The following SIN3B variants were observed in gnomAD, a reference collection of about 807,000 sequenced individuals.
SIN3B encodes paired amphipathic helix protein Sin3b.
A neutral mutation model predicts 120.2 loss-of-function variants in SIN3B; 19 were observed. The ratio of observed to expected loss-of-function variants is 0.16; its 90% CI spans 0.11 to 0.23. The LOEUF is 0.23. SIN3B is among the 10% of genes least tolerant of loss of function. SIN3B has a pLI of 1.00. For synonymous variants in SIN3B, 654 were observed against 653.2 expected, an observed-to-expected ratio of 1.00 and a Z score of -0.02; for missense variants, 1,073 against 1,573.0, an observed-to-expected ratio of 0.68 and a Z score of 5.38.
chr19:16,840,765 T>A (rs1204856555), intron 3 of SIN3B, among the ~76,000 whole-genome samples: 1 of 152,216 alleles, frequency 6.6e-6, no homozygotes, highest in African/African-American at 2.4e-5. Context: ...CACACTGTTC[T>A]GGGCACTGGG....
chr19:16,830,194 A>G (rs1300191324), intron 2 of SIN3B, among the ~76,000 whole-genome samples: 2 of 152,154 alleles, frequency 1.3e-5, no homozygotes, highest in Non-Finnish European at 1.5e-5. Flanking sequence ...GTTGATTTTT[A>G]TATTAGTTTT....
chr19:16,877,337 T>G (rs1034126573), intron 16 of SIN3B: 1 of 567,056 alleles, frequency 1.8e-6, no homozygotes, highest in Non-Finnish European at 3.2e-6. Context: ...CCTGGTTGTG[T>G]GAGTCCCGCT....
At chr19:16,856,256 G>A (rs985688840) in intron 8 of SIN3B, among the ~76,000 whole-genome samples, 1 of 152,108 alleles carries the variant, frequency 6.6e-6, no homozygotes, top group Non-Finnish European at 1.5e-5. Flanking sequence ...GGTAGGAGTA[G>A]GCGGGCCTGT....
rs2051652335 is a variant in SIN3B at position 16,878,892 on chromosome 19, C to T, written c.*165C>T. On this transcript the variant is annotated 3_prime_UTR_variant, in exon 19 of 19. Coordinates refer to ENST00000248054, the MANE Select transcript of SIN3B (RefSeq NM_001297595.2). The stretch of plus-strand genomic sequence containing the variant: ...GGACGCCGCCCCCGTGGCTCCCGGT[C>T]TCCTGTGGGCCTGCTGTGTGCCAAA... 4.5e-6 allele frequency: 3 copies of T among 661,746 alleles called. No homozygotes were observed. The Admixed American group carries it at 8.8e-5, about 19-fold the overall frequency. 41.0% of individuals were successfully genotyped at this position (661,746 alleles called of 1,614,324 possible).
intron 6 of SIN3B, 109 bp from the exon 7 acceptor site, chr19:16,852,960 G>C: frequency 1.2e-6 from 1 of 831,860 alleles, no homozygotes; most frequent in South Asian, 1.8e-5. Context: ...TCTCATGGCA[G>C]TTCCCAAAGG....
chr19:16,850,970 A>G (rs1599598066), intron 5 of SIN3B, among the ~76,000 whole-genome samples: 1 of 152,314 alleles, frequency 6.6e-6, no homozygotes, highest in Admixed American at 6.5e-5. Flanking sequence ...ACCTGGCCCC[A>G]AGGCCCCCAC....
chr19:16,862,754 T>A lies in SIN3B; in HGVS notation c.1266+195T>A. On this transcript the variant is annotated intron_variant, in intron 9 of 18. Coordinates refer to ENST00000248054, the MANE Select transcript of SIN3B (RefSeq NM_001297595.2). This position sits in a 1 kb window ranked among gnomAD's most constrained non-coding sequence, Gnocchi z 4.7. ...CAACAGTGTTGTACCCTGCTGGTAGTTTTGGCAAAACACAGAGTGCCAGGG... is the reference window on the plus strand; with the variant it reads ...CAACAGTGTTGTACCCTGCTGGTAGATTTGGCAAAACACAGAGTGCCAGGG... 1 of 1,016,166 alleles carries A rather than the reference T, an allele frequency of 9.8e-7. No homozygotes were observed. Among genetic ancestry groups the A allele is most frequent in the South Asian group, 1.4e-5 (1 of 70,442 alleles). 62.9% of individuals were successfully genotyped at this position (1,016,166 alleles called of 1,614,324 possible). A position where few individuals can be genotyped will look rare whatever the true frequency, so the allele number is the denominator to read the frequency against.
rs145144544 is a variant in SIN3B, at chr19:16,849,956, C to CA, written c.727-1439dup. On this transcript the variant is annotated intron_variant, in intron 5 of 18. Transcript: ENST00000248054. ...GGGTGACAGAGTGAGACCTCCGTCT[C>CA]AAAAAAAAAAAAAAAAAGATGTACC... 9.0e-3 allele frequency among the ~76,000 whole-genome samples: 533 copies of CA among 59,030 alleles called. 6 individuals are homozygous for CA. Among genetic ancestry groups the CA allele is most frequent in the African/African-American group, 0.023 (376 of 16,094 alleles). The allele number at this position is 59,030 out of a possible 152,430, so 38.7% of individuals were successfully genotyped here. A position where few individuals can be genotyped will look rare whatever the true frequency, so the allele number is the denominator to read the frequency against.
At chr19:16,859,059 C>G (rs1386788046) in intron 8 of SIN3B, among the ~76,000 whole-genome samples, 1 of 152,074 alleles carries the variant, frequency 6.6e-6, no homozygotes, top group Non-Finnish European at 1.5e-5. Context: ...GTTGAGGTGG[C>G]TGGATCGCTT....
chr19:16,873,727 TGA>T (rs1218464175), intron 14 of SIN3B, among the ~76,000 whole-genome samples: 1 of 152,216 alleles, frequency 6.6e-6, no homozygotes, highest in African/African-American at 2.4e-5. Context: ...GGAGCTGTAG[TGA>T]GAGCCACATG....
At chr19:16,869,101 G>A (rs1971819787) in intron 12 of SIN3B, among the ~76,000 whole-genome samples, 1 of 152,134 alleles carries the variant, frequency 6.6e-6, no homozygotes, top group African/African-American at 2.4e-5. Context: ...GAGCCACGGG[G>A]CCCCGTTCTG....
Position 16,866,566 on chromosome 19 carries a change from TC to T in SIN3B, c.1806+13del. ...GAGCGTCTACGACGAGGTAAAGCCT[TC>T]CCTAGCCCTGCCGGCCGGTGGGGGT... is the stretch of plus-strand genomic sequence containing the variant. On this transcript the variant is annotated intron_variant, in intron 12 of 18. Coordinates refer to ENST00000248054, the MANE Select transcript of SIN3B (RefSeq NM_001297595.2). The T allele has an allele frequency of 6.2e-7, 1 of 1,612,606 alleles. No homozygotes were observed. The highest frequency in any genetic ancestry group is 2.2e-5 in the East Asian group (1 of 44,822).
intron 8 of SIN3B, among the ~76,000 whole-genome samples, chr19:16,858,002 G>A (rs558721936): frequency 6.6e-6 from 1 of 152,070 alleles, no homozygotes; most frequent in South Asian, 2.1e-4. Flanking sequence ...TCAGCCTCTC[G>A]AGTAGCTGGG....
intron 3 of SIN3B, among the ~76,000 whole-genome samples, chr19:16,835,481 G>A (rs557521985): frequency 7.7e-5 from 11 of 142,624 alleles, no homozygotes; most frequent in Non-Finnish European, 9.1e-5. Flanking sequence ...TGCCCACCTC[G>A]GCCTCCCAAA....
rs1030127335 is a variant in SIN3B, at chr19:16,869,709, G to C, written c.2056G>C (p.Asp686His). ...CGAGGAGTCAGCTGATGAGGACCGG[G>C]ACAGCCCCCAGGGGCAGACCACAGA... ...ASEESADEDR[D>H]SPQGQTTDPS... is the part of the protein sequence containing the mutation. The change falls in exon 13 of 19, where the codon GAC becomes CAC. Residue 686 changes from aspartate to histidine, a missense_variant. Transcript: ENST00000248054. 6.2e-7 allele frequency: 1 copy of C among 1,613,418 alleles called. No individual in the cohort carries two copies. The highest frequency in any genetic ancestry group is 8.5e-7 in the Non-Finnish European group (1 of 1,180,006).
At chr19:16,868,796 G>C (rs1024549899) in intron 12 of SIN3B, among the ~76,000 whole-genome samples, 1 of 150,922 alleles carries the variant, frequency 6.6e-6, no homozygotes. Context: ...GAGCAGGCTG[G>C]TGGGAGCTGG....
intron 5 of SIN3B, among the ~76,000 whole-genome samples, chr19:16,849,873 T>C (rs942437422): frequency 1.3e-5 from 2 of 151,776 alleles, no homozygotes; most frequent in African/African-American, 4.8e-5. Flanking sequence ...AGAGAATCAC[T>C]TGAACCCAGG....
rs1053297603 is a variant in SIN3B at position 16,853,085 on chromosome 19, G to T, written c.866G>T (p.Arg289Leu). The change falls in exon 7 of 19, where the codon CGT becomes CTT. Residue 289 changes from arginine (R) to leucine (L), a missense_variant. By Grantham distance (102) the Arg-to-Leu change is moderately radical (BLOSUM62 -2). Coordinates refer to ENST00000248054, the MANE Select transcript of SIN3B (RefSeq NM_001297595.2). ...TCCCCACAGAAAAAAATGAAACTTC[G>T]TGGTACCAAAGACCTGTCCATCGCT... ...SAPAKKKMKL[R>L]GTKDLSIAAV... is the part of the protein sequence containing the mutation. 2 of 1,614,128 alleles carry T rather than the reference G, an allele frequency of 1.2e-6. No homozygotes were observed. Among genetic ancestry groups the T allele is most frequent in the Non-Finnish European group, 1.7e-6 (2 of 1,179,982 alleles).
chr19:16,877,250 G>C (rs1226945606), intron 16 of SIN3B: 2 of 428,116 alleles, frequency 4.7e-6, no homozygotes, highest in East Asian at 8.7e-5. Flanking sequence ...GCCGGGCGGT[G>C]CTCCTGCCAA....
Sources: gnomAD v4.1 joint callset for allele counts (sites outside exome capture counted in the v4.1 genomes callset) on GRCh38, gnomAD v4.1.1 for gene constraint, Gnocchi (gnomAD v3.1) non-coding constraint, MANE v1.5 for transcripts, NCBI Gene and HGNC (gene_info 2026-07-23, HGNC 2026-07-21) for gene names.